The following LDB2 variants were observed in gnomAD, a reference collection of about 807,000 sequenced individuals.
LDB2 encodes the protein LIM domain-binding protein 2.
LDB2 carries 12 observed loss-of-function variants against 44.3 expected under a neutral mutation model. The observed-to-expected ratio is 0.27, with a 90% CI of 0.17 to 0.44. LDB2 has a LOEUF of 0.44. LDB2 is among the 20% of genes least tolerant of loss of function. The pLI, the probability that LDB2 is intolerant of heterozygous loss-of-function variation, is 1.00. For missense variants in LDB2, 344 were observed against 473.5 expected (o/e 0.73, Z 2.54); for synonymous variants, 164 against 174.8 (o/e 0.94, Z 0.49).
At chr4:16,718,432 G>A (rs1757540459) in intron 2 of LDB2, among the ~76,000 whole-genome samples, 1 of 152,088 alleles carries the variant, frequency 6.6e-6, no homozygotes, top group Admixed American at 6.6e-5. Context: ...CTGAGTTTGA[G>A]TTTTTCATGG....
At chr4:16,603,501 A>G (rs970579668) in intron 2 of LDB2, among the ~76,000 whole-genome samples, 4 of 152,096 alleles carry the variant, frequency 2.6e-5, no homozygotes, top group African/African-American at 9.7e-5. Context: ...ACCTTGGAGG[A>G]TCTCATCTGG....
At chr4:16,857,489 C>T (rs1260137947) in intron 1 of LDB2, among the ~76,000 whole-genome samples, 1 of 152,200 alleles carries the variant, frequency 6.6e-6, no homozygotes, top group Non-Finnish European at 1.5e-5. Flanking sequence ...ACTCAGAAGC[C>T]TCCTGTGGCT....
intron 1 of LDB2, among the ~76,000 whole-genome samples, chr4:16,821,385 T>A (rs1781949309): frequency 2.6e-5 from 1 of 38,530 alleles, no homozygotes. Context: ...AATTTTTTTT[T>A]TATTTTTTTT....
chr4:16,726,055 A>G (rs1397132778), intron 2 of LDB2, among the ~76,000 whole-genome samples: 2 of 151,338 alleles, frequency 1.3e-5, no homozygotes, highest in Non-Finnish European at 2.9e-5. Context: ...CTTTAAATAT[A>G]CATTTCATAT....
chr4:16,722,684 C>T (rs1437451004), intron 2 of LDB2, among the ~76,000 whole-genome samples: 3 of 152,192 alleles, frequency 2.0e-5, no homozygotes, highest in African/African-American at 7.2e-5. Flanking sequence ...TAGTTGATTG[C>T]CAACTTTCCT....
chr4:16,759,432 T>C, intron 1 of LDB2, 172 bp from the exon 2 acceptor site: 1 of 570,124 alleles, frequency 1.8e-6, no homozygotes, highest in Non-Finnish European at 3.1e-6. Flanking sequence ...ATTAATTGCC[T>C]CAAATAGGAA....
intron 5 of LDB2, among the ~76,000 whole-genome samples, chr4:16,562,396 G>T (rs1332211286): frequency 6.6e-6 from 1 of 152,152 alleles, no homozygotes; most frequent in Non-Finnish European, 1.5e-5. Context: ...CCATCAAAAA[G>T]TGGGCGAAGG....
At chr4:16,539,989 A>T (rs949665119) in intron 5 of LDB2, among the ~76,000 whole-genome samples, 1 of 152,170 alleles carries the variant, frequency 6.6e-6, no homozygotes. Flanking sequence ...AGGAAGCATG[A>T]CTAGGAGGCC....
chr4:16,834,373 A>C (rs572611248), intron 1 of LDB2, among the ~76,000 whole-genome samples: 3 of 152,370 alleles, frequency 2.0e-5, no homozygotes, highest in African/African-American at 7.2e-5. Flanking sequence ...ATCAGATCTG[A>C]CATCACTGTG....
intron 1 of LDB2, among the ~76,000 whole-genome samples, chr4:16,763,684 T>C (rs1186399811): frequency 6.6e-6 from 1 of 152,202 alleles, no homozygotes; most frequent in Non-Finnish European, 1.5e-5. Context: ...ATTTTCTAAG[T>C]GCTGTACATG....
intron 5 of LDB2, among the ~76,000 whole-genome samples, chr4:16,517,878 AGTGGATGG>A (rs1436124996): frequency 3.9e-5 from 5 of 127,442 alleles, no homozygotes; most frequent in African/African-American, 6.3e-5. Context: ...TTGATGAATG[AGTGGATGG>A]ATGGATGGAT....
chr4:16,726,510 G>T (rs1249545884), intron 2 of LDB2: 1 of 152,068 alleles, frequency 6.6e-6, no homozygotes, highest in Non-Finnish European at 1.5e-5. Flanking sequence ...TGCAGCGCCA[G>T]AATCAGGTTC....
chr4:16,722,175 T>C (rs971049894), intron 2 of LDB2, among the ~76,000 whole-genome samples: 2 of 152,166 alleles, frequency 1.3e-5, no homozygotes, highest in South Asian at 4.1e-4. Flanking sequence ...CTTTCTTCCA[T>C]GTATTTTGGT....
chr4:16,684,532 G>A (rs557831981), intron 2 of LDB2, among the ~76,000 whole-genome samples: 1 of 152,204 alleles, frequency 6.6e-6, no homozygotes, highest in Non-Finnish European at 1.5e-5. Context: ...TTATTGAGCT[G>A]CTGACAGAGT....
chr4:16,609,349 G>A (rs1300400189), intron 2 of LDB2, among the ~76,000 whole-genome samples: 4 of 132,772 alleles, frequency 3.0e-5, no homozygotes, highest in East Asian at 2.6e-4. Context: ...CAGGGGAGGG[G>A]GCGGGGGGGG....
At chr4:16,549,002 G>A (rs1736741099) in intron 5 of LDB2, among the ~76,000 whole-genome samples, 1 of 152,176 alleles carries the variant, frequency 6.6e-6, no homozygotes, top group Non-Finnish European at 1.5e-5. Flanking sequence ...ATGATTAGGA[G>A]GTATTGGAGT....
intron 2 of LDB2, among the ~76,000 whole-genome samples, chr4:16,744,928 T>C (rs1022568846): frequency 6.6e-6 from 1 of 152,094 alleles, no homozygotes; most frequent in African/African-American, 2.4e-5. Context: ...CTATTACTTA[T>C]TGAAAAACTC....
In LDB2 at chr4:16,833,684, C is replaced by T. The variant is rs6839149; in HGVS notation, c.132+64670G>A. 8.0e-3 allele frequency among the ~76,000 whole-genome samples: 1,214 copies of T among 152,028 alleles called. 18 individuals are homozygous for T. Among genetic ancestry groups the T allele is most frequent in the African/African-American group, 0.028 (1,156 of 41,470 alleles). ...CAGCCTCCCGAGTAGCTGGGACTAC[C>T]GGCGCATGCCACCACGCCCAGCTAA... On this transcript the variant is annotated intron_variant, in intron 1 of 7. Transcript: ENST00000304523.
rs536281587 is a variant in LDB2, at chr4:16,778,874, G to A, written c.133-19614C>T. On this transcript the variant is annotated intron_variant, in intron 1 of 7. Coordinates refer to ENST00000304523, the MANE Select transcript of LDB2 (RefSeq NM_001290.5). ...GTTAACCTAAGTTTCAATATCCTTGGATGTAAAGTTAGAGAACTGAACTAG... is the reference window on the plus strand; with the variant it reads ...GTTAACCTAAGTTTCAATATCCTTGAATGTAAAGTTAGAGAACTGAACTAG... Among the ~76,000 whole-genome samples, 10 of 152,258 alleles carry A rather than the reference G, an allele frequency of 6.6e-5. No homozygotes were observed. The East Asian group carries it at 1.7e-3, about 26-fold the overall frequency.
Sources: gnomAD v4.1 joint callset for allele counts (sites outside exome capture counted in the v4.1 genomes callset) on GRCh38, gnomAD v4.1.1 for gene constraint, MANE v1.5 for transcripts, NCBI Gene and HGNC (gene_info 2026-07-23, HGNC 2026-07-21) for gene names.